The following DOK5 variants were observed in gnomAD, a reference collection of about 807,000 sequenced individuals.
The protein encoded by DOK5 is docking protein 5.
A neutral mutation model predicts 43.3 loss-of-function variants in DOK5; 27 were observed. The observed-to-expected ratio is 0.62, with a 90% CI of 0.46 to 0.86. DOK5 has a LOEUF of 0.86. Among genes scored for constraint, DOK5 ranks in the 40% least tolerant of loss-of-function variants. DOK5 has a pLI of 0.00. For missense variants in DOK5, 373 were observed against 392.9 expected (o/e 0.95, Z 0.43); for synonymous variants, 146 against 140.1 (o/e 1.04, Z -0.30).
intron 7 of DOK5, among the ~76,000 whole-genome samples, chr20:54,647,427 C>T (rs1979486338): frequency 6.6e-6 from 1 of 151,692 alleles, no homozygotes; most frequent in Non-Finnish European, 1.5e-5. Flanking sequence ...ATCGCTTGAA[C>T]CCAGGAGGCA....
intron 6 of DOK5, among the ~76,000 whole-genome samples, chr20:54,618,575 C>T (rs1986887332): frequency 6.6e-6 from 1 of 152,112 alleles, no homozygotes; most frequent in African/African-American, 2.4e-5. Context: ...GAACTCCTGA[C>T]CTTGTGGTCT....
chr20:54,562,306 G>C (rs778373614), intron 2 of DOK5, among the ~76,000 whole-genome samples: 1 of 152,176 alleles, frequency 6.6e-6, no homozygotes, highest in Non-Finnish European at 1.5e-5. Context: ...AGAATTAAAA[G>C]GGCCATGTGA....
intron 1 of DOK5, among the ~76,000 whole-genome samples, chr20:54,493,962 A>T (rs985837929): frequency 6.6e-6 from 1 of 152,102 alleles, no homozygotes; most frequent in Non-Finnish European, 1.5e-5. Context: ...AAAATTAAAT[A>T]TTTCTATAAT....
chr20:54,486,514 G>A (rs1048577489), intron 1 of DOK5, among the ~76,000 whole-genome samples: 9 of 151,858 alleles, frequency 5.9e-5, no homozygotes, highest in Non-Finnish European at 1.3e-4. Context: ...TTAAAATAAT[G>A]TCTATAACTA....
At chr20:54,594,992 G>C (rs1475505571) in intron 5 of DOK5, among the ~76,000 whole-genome samples, 1 of 152,116 alleles carries the variant, frequency 6.6e-6, no homozygotes. Context: ...GAGTCTCTGT[G>C]TGTGTATGAG....
chr20:54,598,214 T>C (rs1986200065), intron 5 of DOK5, among the ~76,000 whole-genome samples: 1 of 152,214 alleles, frequency 6.6e-6, no homozygotes, highest in Non-Finnish European at 1.5e-5. Flanking sequence ...AATTAGAATA[T>C]AACATTTTTT....
chr20:54,644,721 A>AAAAC (rs1979309094), intron 7 of DOK5, among the ~76,000 whole-genome samples: 1 of 63,568 alleles, frequency 1.6e-5, no homozygotes, highest in Non-Finnish European at 4.6e-5. Flanking sequence ...AAAAAAAAAA[A>AAAAC]AAACAAAATT....
chr20:54,587,163 A>G (rs1985831774), intron 2 of DOK5, among the ~76,000 whole-genome samples: 1 of 152,198 alleles, frequency 6.6e-6, no homozygotes, highest in African/African-American at 2.4e-5. Flanking sequence ...GTATCTGGTG[A>G]GTCCTGAGGC....
chr20:54,641,235 T>A (rs373904888), intron 6 of DOK5, among the ~76,000 whole-genome samples: 29 of 152,190 alleles, frequency 1.9e-4, no homozygotes, highest in Admixed American at 6.5e-4. Flanking sequence ...CTTGGGGGCA[T>A]GTTTTGGTAA....
intron 5 of DOK5, among the ~76,000 whole-genome samples, chr20:54,596,002 G>A (rs1477409170): frequency 6.6e-6 from 1 of 152,212 alleles, no homozygotes; most frequent in East Asian, 1.9e-4. Flanking sequence ...CTCCTAAATA[G>A]TATCTTTGGT....
chr20:54,633,704 AC>A (rs1007089167), intron 6 of DOK5, among the ~76,000 whole-genome samples: 52 of 152,260 alleles, frequency 3.4e-4, no homozygotes, highest in African/African-American at 1.2e-3. Flanking sequence ...ATTGGCAAAG[AC>A]CCCACTTGAG....
chr20:54,643,453 T>G lies in DOK5; in HGVS notation c.736-5T>G, dbSNP rs201847484. On this transcript the variant is annotated splice_region_variant and splice_polypyrimidine_tract_variant and intron_variant, in intron 6 of 7. Coordinates refer to ENST00000262593, the MANE Select transcript of DOK5 (RefSeq NM_018431.5). ...GACGCACAACTTTCTTCCCTTTGGC[T>G]GCAGCTCCAGATGAAGATGAGTGAG... The G allele has an allele frequency of 3.1e-6, 5 of 1,613,264 alleles. No individual in the cohort carries two copies. Among genetic ancestry groups the G allele is most frequent in the Non-Finnish European group, 4.2e-6 (5 of 1,179,934 alleles).
At position 54,642,018 on chromosome 20, in the gene DOK5, C is replaced by T. The variant is rs150856646; in HGVS notation, c.736-1440C>T. On this transcript the variant is annotated intron_variant, in intron 6 of 7. Transcript: ENST00000262593. ...CAAATAGTCACTTCTTACACAATGGCATAATCAACCTGCGTCATGATTGTG... is the reference window on the plus strand; with the variant it reads ...CAAATAGTCACTTCTTACACAATGGTATAATCAACCTGCGTCATGATTGTG... Among the ~76,000 whole-genome samples, 828 of 152,286 alleles carry T rather than the reference C, an allele frequency of 5.4e-3. 5 individuals carry two copies. The highest frequency in any genetic ancestry group is 8.8e-3 in the Non-Finnish European group (598 of 68,024).
intron 5 of DOK5, among the ~76,000 whole-genome samples, chr20:54,595,526 T>C (rs1372598660): frequency 5.9e-5 from 9 of 152,154 alleles, no homozygotes; most frequent in African/African-American, 1.7e-4. Context: ...AAGATATAAG[T>C]GTTTTATCCC....
chr20:54,590,516 G>T (rs1445964996), intron 4 of DOK5, among the ~76,000 whole-genome samples: 1 of 116,330 alleles, frequency 8.6e-6, no homozygotes, highest in Non-Finnish European at 1.8e-5. Flanking sequence ...GAACTTTCAA[G>T]GGGGGGGAAT....
intron 4 of DOK5, among the ~76,000 whole-genome samples, chr20:54,589,100 G>A (rs6023385): frequency 0.18 from 27,362 of 152,060 alleles, 4,731 homozygotes; most frequent in African/African-American, 0.45. Flanking sequence ...ATTATTTATT[G>A]TACTTTTCAT....
chr20:54,511,863 T>G (rs1296832083), intron 1 of DOK5, among the ~76,000 whole-genome samples: 1 of 152,228 alleles, frequency 6.6e-6, no homozygotes, highest in Admixed American at 6.5e-5. Context: ...AGAATGTACT[T>G]CTTTTTCCTA....
chr20:54,530,617 C>G (rs77917432), intron 1 of DOK5, among the ~76,000 whole-genome samples: 4,206 of 152,270 alleles, frequency 0.028, 177 homozygotes, highest in African/African-American at 0.096. Flanking sequence ...TTTGGGCCAT[C>G]CTGAGCCCTC....
chr20:54,538,805 T>C (rs1280659849), intron 1 of DOK5, among the ~76,000 whole-genome samples: 2 of 152,238 alleles, frequency 1.3e-5, no homozygotes. Context: ...AGTCAGAAGC[T>C]GAAGAACCTA....
Sources: gnomAD v4.1 joint callset for allele counts (sites outside exome capture counted in the v4.1 genomes callset) on GRCh38, gnomAD v4.1.1 for gene constraint, MANE v1.5 for transcripts, NCBI Gene and HGNC (gene_info 2026-07-23, HGNC 2026-07-21) for gene names.